ARMC9: variants seen among roughly 807,000 people sequenced by gnomAD.
ARMC9 encodes lisH domain-containing protein ARMC9.
In ARMC9, 94 loss-of-function variants were observed where a neutral mutation model predicts 107.0. The ratio of observed to expected loss-of-function variants is 0.88; its 90% CI spans 0.74 to 1.04. The LOEUF (loss-of-function observed/expected upper bound fraction) is 1.04. Ranked by LOEUF, ARMC9 falls within the 50% of genes least tolerant of loss-of-function variation. ARMC9 has a pLI of 0.00. For synonymous variants in ARMC9, 380 were observed against 396.9 expected, an observed-to-expected ratio of 0.96 and a Z score of 0.51; for missense variants, 942 against 1,030.1, an observed-to-expected ratio of 0.91 and a Z score of 1.17.
At chr2:231,263,951 C>T (rs1383897909) in intron 12 of ARMC9, among the ~76,000 whole-genome samples, 3 of 152,168 alleles carry the variant, frequency 2.0e-5, no homozygotes, top group Non-Finnish European at 4.4e-5. Context: ...TTTTTCCCCC[C>T]ATTTTAACAT....
At chr2:231,249,214 G>T (rs551156885) in intron 9 of ARMC9, among the ~76,000 whole-genome samples, 1 of 152,016 alleles carries the variant, frequency 6.6e-6, no homozygotes, top group Admixed American at 6.6e-5. Flanking sequence ...GCCTGTGCCC[G>T]CAAATGCCCA....
chr2:231,372,162 C>A lies in ARMC9; in HGVS notation c.*627C>A, dbSNP rs1173597539. 6.6e-6 allele frequency: 1 copy of A among 152,330 alleles called. No homozygotes were observed. The allele number at this position is 152,330 out of a possible 1,614,324, so 9.4% of individuals were successfully genotyped here. On this transcript the variant is annotated 3_prime_UTR_variant, in exon 25 of 25. Transcript: ENST00000611582. ...CGGGCAGATCACGAGGTCAGGAGAT[C>A]GAGACCATCCTGGCTAACGTGGTGA...
At chr2:231,205,201 T>TAAA (rs769562866) in intron 1 of ARMC9, among the ~76,000 whole-genome samples, 2 of 129,462 alleles carry the variant, frequency 1.5e-5, no homozygotes, top group African/African-American at 5.7e-5. Flanking sequence ...TGTCTCTACT[T>TAAA]AAAAAAAAAA....
intron 24 of ARMC9, 47 bp from the exon 25 acceptor site, chr2:231,371,466 G>A (rs2046017983): frequency 3.1e-6 from 4 of 1,272,662 alleles, no homozygotes; most frequent in Admixed American, 3.9e-5. Flanking sequence ...GGGATTCTGT[G>A]CGGAGACCAC....
intron 19 of ARMC9, among the ~76,000 whole-genome samples, chr2:231,322,809 C>A (rs993889002): frequency 6.6e-6 from 1 of 152,196 alleles, no homozygotes; most frequent in Non-Finnish European, 1.5e-5. Flanking sequence ...TAATTTTAGT[C>A]AAATTCCTCC....
intron 19 of ARMC9, among the ~76,000 whole-genome samples, chr2:231,301,058 C>T (rs367941572): frequency 3.3e-5 from 5 of 152,274 alleles, no homozygotes; most frequent in African/African-American, 1.2e-4. Context: ...AAAAGATGCA[C>T]ACACAGAGTA....
intron 21 of ARMC9, among the ~76,000 whole-genome samples, chr2:231,352,456 C>T (rs796456803): frequency 4.6e-5 from 7 of 151,968 alleles, no homozygotes; most frequent in African/African-American, 9.7e-5. Flanking sequence ...CCTGCCACCA[C>T]GCCCAGCTAA....
At chr2:231,224,524 A>G (rs562909801) in intron 6 of ARMC9, among the ~76,000 whole-genome samples, 3 of 152,348 alleles carry the variant, frequency 2.0e-5, no homozygotes, top group African/African-American at 7.2e-5. Flanking sequence ...GTTAATACAT[A>G]TAACTTGTAT....
intron 17 of ARMC9, among the ~76,000 whole-genome samples, chr2:231,289,687 C>T (rs1486040040): frequency 6.6e-6 from 1 of 152,138 alleles, no homozygotes; most frequent in Non-Finnish European, 1.5e-5. Flanking sequence ...GGCCAGGTGT[C>T]CAACTGGTCC....
chr2:231,284,060 CAT>C (rs2125457040), intron 17 of ARMC9, among the ~76,000 whole-genome samples: 1 of 152,298 alleles, frequency 6.6e-6, no homozygotes, highest in East Asian at 1.9e-4. Context: ...CATGTAACAA[CAT>C]TTTGGTCAAC....
At chr2:231,309,473 C>G (rs2042214952) in intron 19 of ARMC9, among the ~76,000 whole-genome samples, 1 of 152,052 alleles carries the variant, frequency 6.6e-6, no homozygotes, top group Non-Finnish European at 1.5e-5. Context: ...TAAATAAATG[C>G]ATTCTACATT....
chr2:231,268,821 G>C (rs1468580913), intron 12 of ARMC9, among the ~76,000 whole-genome samples: 1 of 152,072 alleles, frequency 6.6e-6, no homozygotes, highest in Non-Finnish European at 1.5e-5. Flanking sequence ...TAGCACTTTG[G>C]GAGGCCAAGG....
chr2:231,233,098 G>A (rs772874465), intron 7 of ARMC9, among the ~76,000 whole-genome samples: 3 of 152,144 alleles, frequency 2.0e-5, no homozygotes, highest in East Asian at 1.9e-4. Flanking sequence ...TGATCCACCC[G>A]CCTTAGCCTC....
Position 231,234,939 on chromosome 2 carries a change from A to G in ARMC9, c.623-285A>G, listed in dbSNP as rs143630358. Among the ~76,000 whole-genome samples, 1,010 of 152,362 alleles carry G rather than the reference A, an allele frequency of 6.6e-3. 12 individuals carry two copies. The highest frequency in any genetic ancestry group is 0.023 in the African/African-American group (953 of 41,586). On this transcript the variant is annotated intron_variant, in intron 7 of 24. Coordinates refer to ENST00000611582, the MANE Select transcript of ARMC9 (RefSeq NM_001352754.2). ...TATTTTCTTAGACCTAGAAGAACTA[A>G]AAGAAATTGCATGAGGTTCAGTCAA...
chr2:231,262,638 C>G (rs1488568726), intron 12 of ARMC9, among the ~76,000 whole-genome samples: 2 of 152,180 alleles, frequency 1.3e-5, no homozygotes, highest in Non-Finnish European at 2.9e-5. Flanking sequence ...TTCCTTTTCT[C>G]AAATTCCCTA....
At chr2:231,260,745 G>C (rs1008755722) in intron 11 of ARMC9, among the ~76,000 whole-genome samples, 23 of 152,098 alleles carry the variant, frequency 1.5e-4, no homozygotes, top group African/African-American at 5.1e-4. Context: ...TCTTTTATGC[G>C]GCTCTTGGTT....
rs553655180 is a variant in ARMC9, at chr2:231,205,726, G to A, written c.-41-472G>A. Among the ~76,000 whole-genome samples, 109 of 152,360 alleles carry A rather than the reference G, an allele frequency of 7.2e-4. 1 individual carries two copies. The highest frequency in any genetic ancestry group is 2.5e-3 in the African/African-American group (104 of 41,578). ...TTCTAGTTCTGGAGGTCAGAAGTCT[G>A]AAATGGCTTTCACTGAGCTGAAGTC... On this transcript the variant is annotated intron_variant, in intron 1 of 24. Transcript: ENST00000611582.
intron 23 of ARMC9, among the ~76,000 whole-genome samples, chr2:231,366,822 A>G (rs1383847950): frequency 6.7e-6 from 1 of 148,910 alleles, no homozygotes; most frequent in African/African-American, 2.5e-5. Context: ...GCCTGGTGAT[A>G]GAGCGAGACT....
intron 13 of ARMC9, among the ~76,000 whole-genome samples, chr2:231,271,365 C>T (rs2039315328): frequency 6.6e-6 from 1 of 152,102 alleles, no homozygotes; most frequent in African/African-American, 2.4e-5. Context: ...AAGTATATCA[C>T]AGGTAATGAA....
Sources: gnomAD v4.1 joint callset for allele counts (sites outside exome capture counted in the v4.1 genomes callset) on GRCh38, gnomAD v4.1.1 for gene constraint, MANE v1.5 for transcripts, NCBI Gene and HGNC (gene_info 2026-07-23, HGNC 2026-07-21) for gene names.